OR10J1: variants seen among roughly 807,000 people sequenced by gnomAD.
OR10J1 encodes olfactory receptor family 10 subfamily J member 1.
For missense variants in OR10J1, 474 were observed against 376.6 expected, an observed-to-expected ratio of 1.26 and a Z score of -2.14; for synonymous variants, 202 against 143.8, an observed-to-expected ratio of 1.40 and a Z score of -2.89.
the OR10J1 span, among the ~76,000 whole-genome samples, chr1:159,423,670 C>G: frequency 6.6e-6 from 1 of 152,188 alleles, no homozygotes; most frequent in Admixed American, 6.5e-5. Context: ...TGCGGAGAGA[C>G]TTTCCTCCAG....
the OR10J1 span, among the ~76,000 whole-genome samples, chr1:159,425,886 T>C: frequency 3.9e-5 from 6 of 151,912 alleles, no homozygotes; most frequent in Admixed American, 3.9e-4. Context: ...AAGAAACAGG[T>C]AAAAGAACTG....
At chr1:159,434,536 T>G (rs1162742273), upstream of OR10J1, among the ~76,000 whole-genome samples, 1 of 152,116 alleles carries the variant, frequency 6.6e-6, no homozygotes, top group African/African-American at 2.4e-5. Context: ...TGAAGAACAG[T>G]TATTGTTTAC....
At chr1:159,430,665 G>GTGTGTGTGTGTGTGTGTGTGTA in the OR10J1 span, among the ~76,000 whole-genome samples, 4 of 83,458 alleles carry the variant, frequency 4.8e-5, no homozygotes, top group Middle Eastern at 5.8e-3. Context: ...GTGTGTGTGT[G>GTGTGTGTGTGTGTGTGTGTGTA]TGTGCGCGCG....
the OR10J1 span, among the ~76,000 whole-genome samples, chr1:159,410,062 T>C: frequency 6.6e-6 from 1 of 152,172 alleles, no homozygotes; most frequent in African/African-American, 2.4e-5. Flanking sequence ...TTGATCATGG[T>C]GGATAAGCTT....
the OR10J1 span, among the ~76,000 whole-genome samples, chr1:159,426,474 A>G: frequency 6.6e-6 from 1 of 151,938 alleles, no homozygotes; most frequent in Non-Finnish European, 1.5e-5. Flanking sequence ...TTCACCAGGA[A>G]GATACTCCAT....
At chr1:159,430,669 G>GTGTGTGCGCA in the OR10J1 span, among the ~76,000 whole-genome samples, 21 of 20,204 alleles carry the variant, frequency 1.0e-3, no homozygotes, top group African/African-American at 1.8e-3. Context: ...GTGTGTGTGT[G>GTGTGTGCGCA]CGCGCGCGCA....
the OR10J1 span, among the ~76,000 whole-genome samples, chr1:159,415,259 T>C: frequency 5.9e-5 from 9 of 151,920 alleles, no homozygotes; most frequent in Admixed American, 5.9e-4. Flanking sequence ...TGGTGAGAGA[T>C]AGAAGCCCAC....
At chr1:159,404,497 A>G in the OR10J1 span, among the ~76,000 whole-genome samples, 1 of 152,098 alleles carries the variant, frequency 6.6e-6, no homozygotes. Context: ...TACAGCTCAA[A>G]CATCATAGGT....
the OR10J1 span, among the ~76,000 whole-genome samples, chr1:159,404,591 T>C: frequency 6.6e-6 from 1 of 152,218 alleles, no homozygotes; most frequent in South Asian, 2.1e-4. Context: ...TTTTTTCCCC[T>C]AAAATGGGTA....
the OR10J1 span, among the ~76,000 whole-genome samples, chr1:159,409,045 G>A: frequency 0.086 from 13,128 of 152,036 alleles, 1,340 homozygotes; most frequent in African/African-American, 0.25. Flanking sequence ...TGATATGTCC[G>A]TCATGTACTT....
At chr1:159,409,220 A>G in the OR10J1 span, among the ~76,000 whole-genome samples, 1 of 152,060 alleles carries the variant, frequency 6.6e-6, no homozygotes, top group Non-Finnish European at 1.5e-5. Flanking sequence ...TCACCAGGGC[A>G]TTTCCGCAGC....
the OR10J1 span, among the ~76,000 whole-genome samples, chr1:159,399,912 CTTGT>C: frequency 1.5e-4 from 23 of 151,976 alleles, no homozygotes; most frequent in Non-Finnish European, 2.8e-4. Context: ...TTTCTTTTTG[CTTGT>C]TTGTTTGTTT....
At chr1:159,406,933 G>A in the OR10J1 span, among the ~76,000 whole-genome samples, 1 of 152,140 alleles carries the variant, frequency 6.6e-6, no homozygotes, top group Non-Finnish European at 1.5e-5. Context: ...TAGATGACTA[G>A]TGCAAGGCCA....
chr1:159,433,742 C>T (rs375688498), upstream of OR10J1, among the ~76,000 whole-genome samples: 11 of 152,330 alleles, frequency 7.2e-5, no homozygotes, highest in East Asian at 1.9e-3. Context: ...TTATTTTAGG[C>T]TCTGCTTCTG....
At chr1:159,414,918 A>C in the OR10J1 span, among the ~76,000 whole-genome samples, 1 of 151,362 alleles carries the variant, frequency 6.6e-6, no homozygotes, top group South Asian at 2.1e-4. Flanking sequence ...CCCACTTTTT[A>C]ATTGGATTTT....
At position 159,440,767 on chromosome 1, in the gene OR10J1, C is replaced by T. The variant is rs764623193; in HGVS notation, c.*46C>T. ...TGAGGCTGTCAACATCCACACTAGGCAGGAATATGAGGTGTAAACTCACAA... is the reference window on the plus strand; with the variant it reads ...TGAGGCTGTCAACATCCACACTAGGTAGGAATATGAGGTGTAAACTCACAA... On this transcript the variant is annotated 3_prime_UTR_variant, in exon 1 of 1. Transcript: ENST00000423932. The T allele has an allele frequency of 9.6e-6, 15 of 1,570,634 alleles. No individual in the cohort carries two copies. In the South Asian group the frequency reaches 1.7e-4, roughly 18 times the overall value.
At chr1:159,410,047 C>G in the OR10J1 span, among the ~76,000 whole-genome samples, 1 of 152,126 alleles carries the variant, frequency 6.6e-6, no homozygotes, top group East Asian at 1.9e-4. Flanking sequence ...AGGGATAAAG[C>G]CCACTTGATC....
the OR10J1 span, among the ~76,000 whole-genome samples, chr1:159,398,621 G>A: frequency 0.026 from 4,024 of 152,138 alleles, 173 homozygotes; most frequent in African/African-American, 0.092. Flanking sequence ...GGTATACTGA[G>A]GAATGCATAA....
At position 159,440,814 on chromosome 1, in the gene OR10J1, GC is replaced by G; in HGVS notation, c.*97del. ...ACAAACACTTGGCTCCTAGAGACCTGCCCCTTAAATAAGAGGCAAAAGAGGA... is the reference window on the plus strand; with the variant it reads ...ACAAACACTTGGCTCCTAGAGACCTGCCCTTAAATAAGAGGCAAAAGAGGA... On this transcript the variant is annotated 3_prime_UTR_variant, in exon 1 of 1. Coordinates refer to ENST00000423932, the MANE Select transcript of OR10J1 (RefSeq NM_012351.3). The G allele has an allele frequency of 4.4e-6, 6 of 1,366,790 alleles. No homozygotes were observed. Among genetic ancestry groups the G allele is most frequent in the Non-Finnish European group, 5.9e-6 (6 of 1,010,248 alleles). The allele number at this position is 1,366,790 out of a possible 1,614,324, so 84.7% of individuals were successfully genotyped here.
Sources: gnomAD v4.1 joint callset for allele counts (sites outside exome capture counted in the v4.1 genomes callset) on GRCh38, gnomAD v4.1.1 for gene constraint, MANE v1.5 for transcripts, NCBI Gene and HGNC (gene_info 2026-07-23, HGNC 2026-07-21) for gene names.